Variants in SARDH observed in about 807,000 individuals in gnomAD.
SARDH encodes the protein sarcosine dehydrogenase.
Under a neutral mutation model 109.1 loss-of-function variants are expected in SARDH, and 95 were observed. The observed-to-expected ratio is 0.87, with a 90% CI of 0.74 to 1.03. The LOEUF (loss-of-function observed/expected upper bound fraction) is 1.03. SARDH is among the 50% of genes least tolerant of loss of function. The pLI is 0.00. For synonymous variants in SARDH, 572 were observed against 534.8 expected, an observed-to-expected ratio of 1.07 and a Z score of -0.96; for missense variants, 1,267 against 1,287.8, an observed-to-expected ratio of 0.98 and a Z score of 0.25.
chr9:133,660,550 G>A (rs910098886), downstream of SARDH, among the ~76,000 whole-genome samples: 10 of 152,318 alleles, frequency 6.6e-5, no homozygotes, highest in South Asian at 2.1e-4. Flanking sequence ...CCCACCTTCC[G>A]AATGATTGGG....
chr9:133,684,315 T>C (rs1830807750), intron 17 of SARDH, among the ~76,000 whole-genome samples: 2 of 152,186 alleles, frequency 1.3e-5, no homozygotes, highest in Admixed American at 6.5e-5. Context: ...CAAACGTCAG[T>C]AGTGCTGAGG....
At chr9:133,673,588 G>A (rs892374955) in intron 17 of SARDH, among the ~76,000 whole-genome samples, 1 of 152,158 alleles carries the variant, frequency 6.6e-6, no homozygotes, top group African/African-American at 2.4e-5. Flanking sequence ...TGGAAATAGC[G>A]CAAATTTGCT....
At chr9:133,736,669 T>A (rs1052472865) in intron 1 of SARDH, among the ~76,000 whole-genome samples, 6 of 152,230 alleles carry the variant, frequency 3.9e-5, no homozygotes, top group African/African-American at 1.4e-4. Context: ...GTGCTGGGAT[T>A]ACAGGCATGA....
chr9:133,720,501 G>A (rs747367655), intron 6 of SARDH, among the ~76,000 whole-genome samples: 6 of 152,208 alleles, frequency 3.9e-5, no homozygotes, highest in Admixed American at 1.3e-4. Flanking sequence ...GTGTTCTCAC[G>A]CTGCTAATAA....
intron 10 of SARDH, among the ~76,000 whole-genome samples, chr9:133,710,428 A>G (rs1831874576): frequency 6.6e-6 from 1 of 152,214 alleles, no homozygotes; most frequent in African/African-American, 2.4e-5. Flanking sequence ...CGCAGCCCGG[A>G]GCCCAGACAG....
In SARDH at chr9:133,671,574, C is replaced by G; in HGVS notation, c.2287G>C (p.Ala763Pro). 6.2e-7 allele frequency: 1 copy of G among 1,608,870 alleles called. No individual in the cohort carries two copies. The highest frequency in any genetic ancestry group is 8.5e-7 in the Non-Finnish European group (1 of 1,178,372). ...AAGAKHGLINAGYRAIDSLSI... is the reference protein window; with the variant it reads ...AAGAKHGLINPGYRAIDSLSI... ...AGGGAGTCGATGGCGCGGTACCCTG[C>G]GTTGATGAGGCCGTGCTTGGCACCC... Residue 763 changes from alanine to proline, a missense_variant, in exon 18 of 21, where the codon GCA (alanine) becomes CCA (proline). By Grantham distance (27) the Ala-to-Pro change is conservative. Coordinates refer to ENST00000439388, the MANE Select transcript of SARDH (RefSeq NM_001134707.2).
At chr9:133,661,883 A>T (rs1832421968), downstream of SARDH, among the ~76,000 whole-genome samples, 2 of 152,228 alleles carry the variant, frequency 1.3e-5, no homozygotes, top group African/African-American at 4.8e-5. Flanking sequence ...AAATTTAAAA[A>T]TAGCTACGAA....
intron 6 of SARDH, among the ~76,000 whole-genome samples, chr9:133,724,418 C>T (rs1832421452): frequency 6.6e-6 from 1 of 152,192 alleles, no homozygotes. Context: ...AGATGCCCCA[C>T]ATCATGTCAT....
At chr9:133,697,617 A>G (rs938363457) in intron 13 of SARDH, among the ~76,000 whole-genome samples, 7 of 152,264 alleles carry the variant, frequency 4.6e-5, no homozygotes, top group African/African-American at 1.7e-4. Flanking sequence ...TTGGTTTAAC[A>G]TTCAAAAATC....
At chr9:133,710,796 G>T (rs1205152524) in intron 10 of SARDH, among the ~76,000 whole-genome samples, 1 of 152,258 alleles carries the variant, frequency 6.6e-6, no homozygotes, top group Admixed American at 6.5e-5. Context: ...GGTGGCGGCC[G>T]TCCACTCTGG....
At chr9:133,735,297 T>C (rs1288386525) in intron 1 of SARDH, among the ~76,000 whole-genome samples, 2 of 151,904 alleles carry the variant, frequency 1.3e-5, no homozygotes, top group Non-Finnish European at 2.9e-5. Context: ...GATTGCAGAG[T>C]AGGGGCTCAG....
chr9:133,660,800 C>T (rs905933300), downstream of SARDH, among the ~76,000 whole-genome samples: 1 of 152,242 alleles, frequency 6.6e-6, no homozygotes, highest in Non-Finnish European at 1.5e-5. Flanking sequence ...CCCCAGGCTC[C>T]AGCCAGCATA....
chr9:133,725,679 A>C (rs1319772059), intron 6 of SARDH: 12 of 229,452 alleles, frequency 5.2e-5, no homozygotes, highest in African/African-American at 1.6e-4. Flanking sequence ...CTGTCTCAAA[A>C]AAAACAAAAC....
intron 17 of SARDH, among the ~76,000 whole-genome samples, chr9:133,683,620 G>A (rs542201045): frequency 2.0e-5 from 3 of 152,236 alleles, no homozygotes; most frequent in East Asian, 1.9e-4. Flanking sequence ...AGACACAGCC[G>A]GCCCTGCTTC....
rs915010470 is a variant in SARDH, at chr9:133,693,416, G to C, written c.1921+842C>G. Among the ~76,000 whole-genome samples the C allele has an allele frequency of 6.6e-6, 1 of 152,180 alleles. No homozygotes were observed. Among genetic ancestry groups the C allele is most frequent in the Non-Finnish European group, 1.5e-5 (1 of 68,030 alleles). The stretch of plus-strand genomic sequence containing the variant: ...TACATTTGCCAGCAGCACGGAGTCA[G>C]GTCAAGAACCAGGAGATGCCAGGTT... On this transcript the variant is annotated intron_variant, in intron 15 of 20. Coordinates refer to ENST00000439388, the MANE Select transcript of SARDH (RefSeq NM_001134707.2). This position sits in a 1 kb window ranked among gnomAD's most constrained non-coding sequence, Gnocchi z 5.6.
chr9:133,711,772 G>C (rs1361840018), intron 10 of SARDH, among the ~76,000 whole-genome samples: 2 of 152,196 alleles, frequency 1.3e-5, no homozygotes, highest in African/African-American at 4.8e-5. Flanking sequence ...GGAGCAGAGT[G>C]GGCTGGAGAG....
At chr9:133,674,179 C>T (rs1015014067) in intron 17 of SARDH, among the ~76,000 whole-genome samples, 11 of 152,214 alleles carry the variant, frequency 7.2e-5, no homozygotes, top group Admixed American at 7.2e-4. Context: ...CAAGTGGGGA[C>T]CCACAAGGAA....
chr9:133,713,408 C>T (rs539392749), intron 8 of SARDH, among the ~76,000 whole-genome samples: 13 of 152,310 alleles, frequency 8.5e-5, no homozygotes, highest in South Asian at 6.2e-4. Context: ...GTTGTCCTGC[C>T]GACAAGGAGC....
intron 17 of SARDH, among the ~76,000 whole-genome samples, chr9:133,676,832 T>TCCC (rs1830528500): frequency 6.6e-6 from 1 of 152,192 alleles, no homozygotes; most frequent in Non-Finnish European, 1.5e-5. Flanking sequence ...TACCAGTGAA[T>TCCC]CCCTGCATGG....
Sources: gnomAD v4.1 joint callset for allele counts (sites outside exome capture counted in the v4.1 genomes callset) on GRCh38, gnomAD v4.1.1 for gene constraint, Gnocchi (gnomAD v3.1) non-coding constraint, MANE v1.5 for transcripts, NCBI Gene and HGNC (gene_info 2026-07-23, HGNC 2026-07-21) for gene names.